The following GRAMD1B variants were observed in gnomAD, a reference collection of about 807,000 sequenced individuals.
GRAMD1B encodes protein Aster-B.
In GRAMD1B, 37 loss-of-function variants were observed where a neutral mutation model predicts 99.7. That is an observed-to-expected ratio of 0.37 (90% confidence interval 0.29 to 0.49). The LOEUF (loss-of-function observed/expected upper bound fraction) is 0.49, where lower values mean the gene tolerates loss of function less well. GRAMD1B is among the 20% of genes least tolerant of loss of function. The pLI, the probability that GRAMD1B is intolerant of heterozygous loss-of-function variation, is 0.98. For synonymous variants in GRAMD1B, 427 were observed against 387.6 expected, an observed-to-expected ratio of 1.10 and a Z score of -1.19; for missense variants, 888 against 1,009.2, an observed-to-expected ratio of 0.88 and a Z score of 1.63.
intron 1 of GRAMD1B, among the ~76,000 whole-genome samples, chr11:123,366,818 GT>G (rs1946336210): frequency 6.6e-6 from 1 of 152,172 alleles, no homozygotes; most frequent in Non-Finnish European, 1.5e-5. Flanking sequence ...AGGGTGTAAT[GT>G]GTTCTTACTC....
intron 1 of GRAMD1B, among the ~76,000 whole-genome samples, chr11:123,464,881 A>G (rs1184040131): frequency 6.6e-6 from 1 of 152,070 alleles, no homozygotes; most frequent in East Asian, 1.9e-4. Context: ...AGCTAAGTGG[A>G]GGGATGGTGA....
chr11:123,522,121 A>C (rs59853538), intron 2 of GRAMD1B, among the ~76,000 whole-genome samples: 1 of 152,092 alleles, frequency 6.6e-6, no homozygotes, highest in East Asian at 1.9e-4. Flanking sequence ...GAATCTGTGT[A>C]TTCATTCCTA....
At chr11:123,397,275 G>T (rs959526617) in intron 1 of GRAMD1B, among the ~76,000 whole-genome samples, 30 of 152,126 alleles carry the variant, frequency 2.0e-4, no homozygotes, top group African/African-American at 7.2e-4. Context: ...GGGCATGGTG[G>T]TGGGTACCTG....
chr11:123,473,125 T>A (rs1478542097), intron 1 of GRAMD1B, among the ~76,000 whole-genome samples: 4 of 152,216 alleles, frequency 2.6e-5, no homozygotes, highest in African/African-American at 9.6e-5. Flanking sequence ...AGAGCAATGG[T>A]GCAATCTTGG....
At chr11:123,453,961 A>G (rs1950001420) in intron 1 of GRAMD1B, among the ~76,000 whole-genome samples, 1 of 152,224 alleles carries the variant, frequency 6.6e-6, no homozygotes, top group Non-Finnish European at 1.5e-5. Flanking sequence ...TCTTTGTAAA[A>G]TCCCGTTGAT....
At chr11:123,531,740 T>G (rs982615538) in intron 2 of GRAMD1B, among the ~76,000 whole-genome samples, 24 of 145,070 alleles carry the variant, frequency 1.7e-4, no homozygotes, top group Non-Finnish European at 3.3e-4. Flanking sequence ...GTTTTTTTTT[T>G]TTTTTTTTTT....
chr11:123,389,373 G>A (rs1477387268), intron 1 of GRAMD1B, among the ~76,000 whole-genome samples: 1 of 149,264 alleles, frequency 6.7e-6, no homozygotes, highest in Non-Finnish European at 1.5e-5. Flanking sequence ...GACAGAGCCA[G>A]AGTCCATGTC....
intron 2 of GRAMD1B, among the ~76,000 whole-genome samples, chr11:123,564,545 G>A (rs1357799272): frequency 2.0e-5 from 3 of 152,206 alleles, no homozygotes; most frequent in Non-Finnish European, 2.9e-5. Context: ...CTTGACGAGC[G>A]GTGATGGGAG....
chr11:123,565,740 G>C (rs1947293187), intron 2 of GRAMD1B, among the ~76,000 whole-genome samples: 1 of 152,158 alleles, frequency 6.6e-6, no homozygotes, highest in Non-Finnish European at 1.5e-5. Flanking sequence ...TGGATTACAT[G>C]ACCACTATGC....
chr11:123,430,786 G>A lies in GRAMD1B; in HGVS notation c.-7G>A, dbSNP rs1342210714. The A allele has an allele frequency of 1.8e-5, 12 of 672,080 alleles. No individual in the cohort carries two copies. The South Asian group carries it at 1.9e-4, about 11-fold the overall frequency. The allele number at this position is 672,080 out of a possible 1,614,324, so 41.6% of individuals were successfully genotyped here. On this transcript the variant is annotated 5_prime_UTR_variant, in exon 1 of 20. Transcript: ENST00000635736. ...GGCTCAGGGGGAGCGCAGAGGCGAC[G>A]GCCCCCATGCCGGCGGCCAACATGA...
intron 4 of GRAMD1B, among the ~76,000 whole-genome samples, chr11:123,588,633 G>A (rs941840059): frequency 2.0e-5 from 3 of 152,126 alleles, no homozygotes; most frequent in Non-Finnish European, 2.9e-5. Flanking sequence ...CACGCTGCTC[G>A]GGATAGGGCT....
chr11:123,571,472 T>C (rs1422517209), intron 2 of GRAMD1B, among the ~76,000 whole-genome samples: 3 of 152,074 alleles, frequency 2.0e-5, no homozygotes, highest in Admixed American at 6.5e-5. Context: ...CTATAGGAGG[T>C]AGGATCAAAC....
intron 1 of GRAMD1B, among the ~76,000 whole-genome samples, chr11:123,404,251 A>G (rs372211229): frequency 6.6e-6 from 1 of 152,324 alleles, no homozygotes; most frequent in South Asian, 2.1e-4. Context: ...TTACTGTTCC[A>G]TGTGTAGATT....
chr11:123,577,362 T>TGCA lies in GRAMD1B; in HGVS notation c.453-1_454dup, dbSNP rs772549738. On this transcript the variant is annotated splice_region_variant and splice_polypyrimidine_tract_variant and intron_variant, in intron 2 of 19. Coordinates refer to ENST00000635736, the MANE Select transcript of GRAMD1B (RefSeq NM_001387025.1). ...CCCGCTCCCTCTCTCCATCTGCCGC[T>TGCA]GCAGCACTGCCAGTAACTCCAACCG... The TGCA allele has an allele frequency of 1.3e-5, 20 of 1,575,520 alleles. 1 individual carries two copies. The Admixed American group carries it at 2.8e-4, about 22-fold the overall frequency.
intron 2 of GRAMD1B, among the ~76,000 whole-genome samples, chr11:123,500,922 C>T (rs1055786929): frequency 2.6e-5 from 4 of 152,160 alleles, no homozygotes; most frequent in African/African-American, 9.7e-5. Context: ...GATCCACCCA[C>T]CTTGGCCTCC....
intron 2 of GRAMD1B, among the ~76,000 whole-genome samples, chr11:123,576,934 C>T (rs971431953): frequency 6.6e-6 from 1 of 152,146 alleles, no homozygotes; most frequent in Non-Finnish European, 1.5e-5. Flanking sequence ...TTTTCATGAA[C>T]AAAAATATCT....
chr11:123,452,406 G>A (rs960071931), intron 1 of GRAMD1B, among the ~76,000 whole-genome samples: 3 of 152,174 alleles, frequency 2.0e-5, no homozygotes, highest in Non-Finnish European at 4.4e-5. Context: ...AGCACTTTGG[G>A]AGGCCGAGGC....
intron 1 of GRAMD1B, among the ~76,000 whole-genome samples, chr11:123,374,748 G>A (rs1431433095): frequency 6.6e-6 from 1 of 152,172 alleles, no homozygotes; most frequent in Non-Finnish European, 1.5e-5. Context: ...TGGGTCATGC[G>A]GTGACAGATG....
intron 1 of GRAMD1B, among the ~76,000 whole-genome samples, chr11:123,432,327 C>T (rs1447722747): frequency 2.6e-5 from 4 of 151,994 alleles, no homozygotes; most frequent in Non-Finnish European, 5.9e-5. Context: ...GAGGCCGAAG[C>T]GTGTGGATCA....
Sources: gnomAD v4.1 joint callset for allele counts (sites outside exome capture counted in the v4.1 genomes callset) on GRCh38, gnomAD v4.1.1 for gene constraint, MANE v1.5 for transcripts, NCBI Gene and HGNC (gene_info 2026-07-23, HGNC 2026-07-21) for gene names.